ACTR10: variants seen among roughly 807,000 people sequenced by gnomAD.
ACTR10 encodes actin-related protein 10.
In ACTR10, 43 loss-of-function variants were observed where a neutral mutation model predicts 56.2. The observed-to-expected ratio is 0.77, with a 90% CI of 0.60 to 0.99. The LOEUF is 0.99. ACTR10 is among the 50% of genes least tolerant of loss of function. ACTR10 has a pLI of 0.00. For synonymous variants in ACTR10, 170 were observed against 176.3 expected (o/e 0.96, Z 0.28); for missense variants, 466 against 507.8 (o/e 0.92, Z 0.79).
At chr14:58,226,843 G>A (rs1290152744) in intron 10 of ACTR10, among the ~76,000 whole-genome samples, 1 of 151,966 alleles carries the variant, frequency 6.6e-6, no homozygotes, top group African/African-American at 2.4e-5. Flanking sequence ...CAGGTGATCT[G>A]CCTGCCTTGG....
chr14:58,202,201 A>G (rs1318718981), intron 1 of ACTR10, among the ~76,000 whole-genome samples: 1 of 152,114 alleles, frequency 6.6e-6, no homozygotes, highest in African/African-American at 2.4e-5. Flanking sequence ...AGTGATACAG[A>G]TGAATTATAT....
intron 7 of ACTR10, among the ~76,000 whole-genome samples, chr14:58,217,677 A>G (rs528926226): frequency 9.9e-5 from 15 of 152,224 alleles, no homozygotes; most frequent in East Asian, 1.9e-4. Flanking sequence ...AAAAAAAAAA[A>G]AAAGAAAAAG....
intron 4 of ACTR10, among the ~76,000 whole-genome samples, chr14:58,210,831 C>T (rs1422257653): frequency 6.6e-6 from 1 of 152,040 alleles, no homozygotes; most frequent in African/African-American, 2.4e-5. Flanking sequence ...GATGCCACAA[C>T]ACCCAGCTAA....
At chr14:58,220,563 T>C (rs1221331386) in intron 8 of ACTR10, among the ~76,000 whole-genome samples, 1 of 152,246 alleles carries the variant, frequency 6.6e-6, no homozygotes, top group African/African-American at 2.4e-5. Context: ...TAAAATGGTT[T>C]CCTTTCCTCT....
At chr14:58,221,875 G>A (rs1016627379) in intron 8 of ACTR10, among the ~76,000 whole-genome samples, 2 of 151,938 alleles carry the variant, frequency 1.3e-5, no homozygotes, top group African/African-American at 4.8e-5. Context: ...CTAAGATTGC[G>A]CCACTGCACT....
intron 10 of ACTR10, among the ~76,000 whole-genome samples, chr14:58,226,739 T>C (rs1480614087): frequency 2.0e-5 from 3 of 152,138 alleles, no homozygotes; most frequent in Non-Finnish European, 4.4e-5. Flanking sequence ...TAGCTGGGAT[T>C]ACAGGCATGC....
At chr14:58,208,927 G>T in intron 3 of ACTR10, 72 bp from the exon 4 acceptor site, 1 of 981,086 alleles carries the variant, frequency 1.0e-6, no homozygotes, top group Non-Finnish European at 1.6e-6. Flanking sequence ...CAGTTTCACT[G>T]TTCTTAAATT....
At position 58,209,029 on chromosome 14, in the gene ACTR10, A is replaced by G. The variant is rs750299910; in HGVS notation, c.264A>G (p.Arg88=). The G allele has an allele frequency of 6.2e-6, 10 of 1,612,792 alleles. No homozygotes were observed. Among genetic ancestry groups the G allele is most frequent in the Non-Finnish European group, 7.6e-6 (9 of 1,179,426 alleles). Residue 88 remains arginine (R), a synonymous_variant, in exon 4 of 13, where the codon CGA becomes CGG. Transcript: ENST00000254286. ...TATTGGTGAATCCCAGAGACCGCCG[A>G]GTTGTGATTATCGAATCGGTATTAT... The part of the protein sequence containing the change: ...RHLLVNPRDR[R]VVIIESVLCP...
At chr14:58,231,057 T>G (rs930289220) in intron 11 of ACTR10, 5 of 312,018 alleles carry the variant, frequency 1.6e-5, no homozygotes, top group Non-Finnish European at 3.3e-5. Context: ...GCACCTGGCC[T>G]TTTTTTTCTC....
chr14:58,235,413 A>T lies in ACTR10; in HGVS notation c.*862A>T, dbSNP rs1329202821. Reference sequence around the variant, plus strand: ...CAAGTGTGGAAATGTTCACTTTTTAACTTTACAGTTTTTTTAATGAGCAAT... The same window carrying T: ...CAAGTGTGGAAATGTTCACTTTTTATCTTTACAGTTTTTTTAATGAGCAAT... On this transcript the variant is annotated 3_prime_UTR_variant, in exon 13 of 13. Transcript: ENST00000254286. 6.6e-6 allele frequency: 1 copy of T among 152,028 alleles called. No individual in the cohort carries two copies. Among genetic ancestry groups the T allele is most frequent in the Non-Finnish European group, 1.5e-5 (1 of 67,994 alleles). The allele number at this position is 152,028 out of a possible 1,614,324, so 9.4% of individuals were successfully genotyped here.
At position 58,200,164 on chromosome 14, in the gene ACTR10, A is replaced by G. The variant is rs61975916; in HGVS notation, c.-54A>G. The G allele has an allele frequency of 0.45, 616,494 of 1,358,942 alleles. 142,327 individuals are homozygous for G. The highest frequency in any genetic ancestry group is 0.47 in the Non-Finnish European group (492,341 of 1,038,356). 84.2% of individuals were successfully genotyped at this position (1,358,942 alleles called of 1,614,324 possible). A position where few individuals can be genotyped will look rare whatever the true frequency, so the allele number is the denominator to read the frequency against. On this transcript the variant is annotated 5_prime_UTR_variant, in exon 1 of 13. Coordinates refer to ENST00000254286, the MANE Select transcript of ACTR10 (RefSeq NM_018477.3). The stretch of plus-strand genomic sequence containing the variant: ...CCCCGGCCCCGCCCCGCGAGCGCCG[A>G]GACTTGTTGGCCGCGGAGACTGCGA...
In ACTR10 at chr14:58,220,119, A is replaced by G. The variant is rs1168944516; in HGVS notation, c.634+390A>G. Among the ~76,000 whole-genome samples, 4 of 152,216 alleles carry G rather than the reference A, an allele frequency of 2.6e-5. No individual in the cohort carries two copies. In the East Asian group the frequency reaches 7.7e-4, roughly 29 times the overall value. ...CGGAATTGTGACCAAAGTACTACAC[A>G]GTACATTGTTTTCACCTAAGTGAGA... On this transcript the variant is annotated intron_variant, in intron 8 of 12. Coordinates refer to ENST00000254286, the MANE Select transcript of ACTR10 (RefSeq NM_018477.3).
At chr14:58,223,535 G>T in intron 8 of ACTR10, 87 bp from the exon 9 acceptor site, 1 of 1,009,688 alleles carries the variant, frequency 9.9e-7, no homozygotes, top group South Asian at 1.5e-5. Context: ...ATGTTCACTT[G>T]AATAGAATTG....
intron 7 of ACTR10, among the ~76,000 whole-genome samples, chr14:58,217,293 C>A (rs1566626569): frequency 1.3e-5 from 2 of 152,142 alleles, no homozygotes; most frequent in African/African-American, 2.4e-5. Flanking sequence ...CAATCTGAGT[C>A]TGTGATAGCC....
chr14:58,228,429 G>T (rs527506219), intron 10 of ACTR10, among the ~76,000 whole-genome samples: 37 of 152,188 alleles, frequency 2.4e-4, no homozygotes, highest in Middle Eastern at 3.4e-3. Flanking sequence ...GACCAGCCTG[G>T]CCAACATGGC....
At chr14:58,233,190 T>A (rs1242328143) in intron 12 of ACTR10, among the ~76,000 whole-genome samples, 2 of 152,174 alleles carry the variant, frequency 1.3e-5, no homozygotes, top group Non-Finnish European at 2.9e-5. Flanking sequence ...TCTTAAAATG[T>A]TCATTTTAAT....
At chr14:58,230,120 T>C (rs1270528919) in intron 10 of ACTR10, among the ~76,000 whole-genome samples, 5 of 152,146 alleles carry the variant, frequency 3.3e-5, no homozygotes, top group African/African-American at 9.7e-5. Flanking sequence ...TAAATGTAAA[T>C]CTATACATAA....
intron 7 of ACTR10, among the ~76,000 whole-genome samples, chr14:58,216,141 T>C (rs1323254674): frequency 6.6e-6 from 1 of 152,164 alleles, no homozygotes; most frequent in African/African-American, 2.4e-5. Flanking sequence ...TTTTATGTTT[T>C]TGAGACAGGA....
At chr14:58,227,857 G>T (rs1889438483) in intron 10 of ACTR10, among the ~76,000 whole-genome samples, 1 of 152,220 alleles carries the variant, frequency 6.6e-6, no homozygotes, top group Admixed American at 6.5e-5. Flanking sequence ...AGTTAATTTT[G>T]TATTGCATTG....
Sources: allele counts gnomAD v4.1 joint callset (sites outside exome capture counted in the v4.1 genomes callset), GRCh38; gene constraint gnomAD v4.1.1; transcripts MANE v1.5; gene names NCBI Gene and HGNC (gene_info 2026-07-23, HGNC 2026-07-21).